Variants in COL22A1 observed in about 807,000 individuals in gnomAD.
COL22A1 encodes collagen type XXII alpha 1 chain, also known as collagen alpha-1(XXII) chain.
A neutral mutation model predicts 248.9 loss-of-function variants in COL22A1; 221 were observed. That is an observed-to-expected ratio of 0.89 (90% CI 0.80 to 0.99). The LOEUF is 0.99. COL22A1 is among the 50% of genes least tolerant of loss of function. The pLI, the probability that COL22A1 is intolerant of heterozygous loss-of-function variation, is 0.00. For synonymous variants in COL22A1, 891 were observed against 793.4 expected, an observed-to-expected ratio of 1.12 and a Z score of -2.07; for missense variants, 2,240 against 2,179.0, an observed-to-expected ratio of 1.03 and a Z score of -0.56.
intron 23 of COL22A1, among the ~76,000 whole-genome samples, chr8:138,728,911 C>T (rs1027886625): frequency 2.0e-5 from 3 of 152,192 alleles, no homozygotes; most frequent in African/African-American, 4.8e-5. Flanking sequence ...GGGCATGACT[C>T]GTCCAGGCCA....
intron 29 of COL22A1, 43 bp downstream of exon 29, chr8:138,716,184 G>T: frequency 6.7e-7 from 1 of 1,485,780 alleles, no homozygotes; most frequent in Non-Finnish European, 9.2e-7. Context: ...CTGTGGAGAT[G>T]GGCGAGGTTC....
intron 45 of COL22A1, among the ~76,000 whole-genome samples, chr8:138,655,418 G>A (rs1263761392): frequency 6.6e-6 from 1 of 152,182 alleles, no homozygotes; most frequent in Non-Finnish European, 1.5e-5. Flanking sequence ...GAGTGCAGTT[G>A]CATGCCCATG....
intron 44 of COL22A1, among the ~76,000 whole-genome samples, chr8:138,657,800 A>G (rs1450801621): frequency 6.6e-6 from 1 of 152,062 alleles, no homozygotes; most frequent in Non-Finnish European, 1.5e-5. Context: ...GTGCATCCTC[A>G]TCCCTGGTGC....
intron 46 of COL22A1, among the ~76,000 whole-genome samples, chr8:138,647,268 G>A (rs962777699): frequency 2.0e-5 from 3 of 152,184 alleles, no homozygotes; most frequent in Non-Finnish European, 2.9e-5. Flanking sequence ...CTACCAGATG[G>A]ACCCTGAGAT....
chr8:138,808,066 T>C (rs1817879539), intron 9 of COL22A1, among the ~76,000 whole-genome samples: 1 of 152,074 alleles, frequency 6.6e-6, no homozygotes, highest in Non-Finnish European at 1.5e-5. Flanking sequence ...ACAAGCAAAC[T>C]GAGGCACAGA....
At chr8:138,881,842 C>T (rs755482893) in intron 2 of COL22A1, among the ~76,000 whole-genome samples, 6 of 152,146 alleles carry the variant, frequency 3.9e-5, no homozygotes, top group African/African-American at 1.2e-4. Context: ...GGCTCTATGC[C>T]GGGGTTGTGG....
chr8:138,873,377 C>T (rs1823485810), intron 3 of COL22A1, among the ~76,000 whole-genome samples: 1 of 152,048 alleles, frequency 6.6e-6, no homozygotes, highest in African/African-American at 2.4e-5. Flanking sequence ...CAGATCATTG[C>T]CCATGAACTT....
At chr8:138,841,592 C>A (rs548391417) in intron 4 of COL22A1, among the ~76,000 whole-genome samples, 1 of 152,208 alleles carries the variant, frequency 6.6e-6, no homozygotes, top group East Asian at 1.9e-4. Context: ...TAAGCTAGGA[C>A]AGAAGAGTCA....
At chr8:138,613,791 G>A (rs566861440) in intron 56 of COL22A1, 76 bp downstream of exon 56, 5 of 1,273,636 alleles carry the variant, frequency 3.9e-6, no homozygotes, top group South Asian at 3.6e-5. Context: ...TGGCACCAGA[G>A]GGAACTAACT....
intron 45 of COL22A1, among the ~76,000 whole-genome samples, chr8:138,653,174 G>T (rs905785696): frequency 3.9e-5 from 6 of 152,180 alleles, no homozygotes; most frequent in African/African-American, 1.4e-4. Context: ...AACAGTCATT[G>T]CTTCCCAGGA....
At chr8:138,804,792 G>T (rs1817328524) in intron 10 of COL22A1, among the ~76,000 whole-genome samples, 1 of 141,012 alleles carries the variant, frequency 7.1e-6, no homozygotes, top group Non-Finnish European at 1.5e-5. Flanking sequence ...GGTGCGTGTG[G>T]TGTGTGTGTG....
In COL22A1 at chr8:138,716,142, C is replaced by T. The variant is rs763870133; in HGVS notation, c.2463+85G>A. 38 of 1,049,098 alleles carry T rather than the reference C, an allele frequency of 3.6e-5. 1 individual carries two copies. The highest frequency in any genetic ancestry group is 8.0e-5 in the African/African-American group (5 of 62,244). 65.0% of individuals were successfully genotyped at this position (1,049,098 alleles called of 1,614,324 possible). A position where few individuals can be genotyped will look rare whatever the true frequency, so the allele number is the denominator to read the frequency against. ...CACCCAGTCAAAATTATGACTGTCC[C>T]GAGGGACTGAGACTCCACAGGGGGC... On this transcript the variant is annotated intron_variant, in intron 29 of 64. Transcript: ENST00000303045.
chr8:138,873,633 G>T (rs1799609611), intron 3 of COL22A1, among the ~76,000 whole-genome samples: 4 of 152,178 alleles, frequency 2.6e-5, no homozygotes. Context: ...CCATTTTCCT[G>T]CTGCCCCAAG....
intron 43 of COL22A1, 65 bp from the exon 44 acceptor site, chr8:138,660,545 C>T (rs1564157369): frequency 7.1e-7 from 1 of 1,399,998 alleles, no homozygotes; most frequent in Non-Finnish European, 1.0e-6. Context: ...ACTCTACCCA[C>T]ACCCTCTGCC....
At chr8:138,799,114 T>C (rs1344331990) in intron 11 of COL22A1, among the ~76,000 whole-genome samples, 1 of 152,198 alleles carries the variant, frequency 6.6e-6, no homozygotes, top group Non-Finnish European at 1.5e-5. Context: ...TCTAGTTTTT[T>C]CTATTTCATT....
intron 31 of COL22A1, among the ~76,000 whole-genome samples, chr8:138,700,711 G>A (rs1392756162): frequency 3.9e-5 from 6 of 152,204 alleles, no homozygotes; most frequent in South Asian, 2.1e-4. Context: ...TAGGTCGGGC[G>A]CGGTGGCTCA....
chr8:138,811,691 A>T, intron 9 of COL22A1, 108 bp downstream of exon 9: 2 of 1,315,462 alleles, frequency 1.5e-6, no homozygotes, highest in Admixed American at 1.7e-5. Context: ...GCTGACAGCC[A>T]TGGGCCTCCT....
chr8:138,882,064 T>C (rs1318637066), intron 2 of COL22A1, among the ~76,000 whole-genome samples: 1 of 152,042 alleles, frequency 6.6e-6, no homozygotes, highest in Non-Finnish European at 1.5e-5. Context: ...CTCCAGTGTG[T>C]CCATTTCCCC....
chr8:138,889,501 G>A (rs1380305361), intron 1 of COL22A1, among the ~76,000 whole-genome samples: 20 of 152,088 alleles, frequency 1.3e-4, no homozygotes. Context: ...CTCATAGATG[G>A]GAATTGAACA....
Sources: gnomAD v4.1 joint callset for allele counts (sites outside exome capture counted in the v4.1 genomes callset) on GRCh38, gnomAD v4.1.1 for gene constraint, MANE v1.5 for transcripts, NCBI Gene and HGNC (gene_info 2026-07-23, HGNC 2026-07-21) for gene names.